Variants in BMP6 observed in about 807,000 individuals in gnomAD.
BMP6 encodes the protein VG-1-R.
BMP6 carries 17 observed loss-of-function variants against 54.1 expected under a neutral mutation model. The observed-to-expected ratio is 0.31, with a 90% CI of 0.22 to 0.47. The LOEUF (loss-of-function observed/expected upper bound fraction) is 0.47, where lower values mean the gene tolerates loss of function less well. BMP6 is among the 20% of genes least tolerant of loss of function. BMP6 has a pLI of 1.00. For synonymous variants in BMP6, 328 were observed against 291.2 expected (o/e 1.13, Z -1.28); for missense variants, 720 against 690.4 (o/e 1.04, Z -0.48).
chr6:7,786,316 T>C (rs563725182), intron 1 of BMP6, among the ~76,000 whole-genome samples: 4 of 152,330 alleles, frequency 2.6e-5, no homozygotes, highest in Admixed American at 6.5e-5. Flanking sequence ...TGACTGCCTG[T>C]GGCATATGCT....
chr6:7,746,116 C>T (rs760484963), intron 1 of BMP6, among the ~76,000 whole-genome samples: 5 of 152,148 alleles, frequency 3.3e-5, no homozygotes, highest in Non-Finnish European at 5.9e-5. Context: ...CGGAGGAATG[C>T]ATCAGGGGCA....
At chr6:7,767,653 T>C (rs1392583120) in intron 1 of BMP6, among the ~76,000 whole-genome samples, 2 of 152,242 alleles carry the variant, frequency 1.3e-5, no homozygotes, top group Non-Finnish European at 2.9e-5. Context: ...GATAATTTCT[T>C]ATCCAGGAAC....
At chr6:7,793,542 C>T (rs74454729) in intron 1 of BMP6, among the ~76,000 whole-genome samples, 2,004 of 151,698 alleles carry the variant, frequency 0.013, 46 homozygotes, top group African/African-American at 0.045. Flanking sequence ...ATGATGTGTC[C>T]GTGTAGGTCC....
chr6:7,727,332 C>T lies in BMP6; in HGVS notation c.377C>T (p.Pro126Leu). ...QQQLPRGEPP[P>L]GRLKSAPLFM... is the part of the protein sequence containing the mutation. ...CAGCTGCCTCGCGGAGAGCCCCCTC[C>T]CGGGCGACTGAAGTCCGCGCCCCTC... The change falls in exon 1 of 7, where the codon CCC (proline) becomes CTC (leucine). Residue 126 changes from proline to leucine, a missense_variant. By Grantham distance (98) the Pro-to-Leu change is moderately conservative (BLOSUM62 -3). Coordinates refer to ENST00000283147, the MANE Select transcript of BMP6 (RefSeq NM_001718.6). 2 of 1,609,594 alleles carry T rather than the reference C, an allele frequency of 1.2e-6. No individual in the cohort carries two copies. The highest frequency in any genetic ancestry group is 1.7e-6 in the Non-Finnish European group (2 of 1,178,710).
chr6:7,781,340 C>T (rs974420874), intron 1 of BMP6, among the ~76,000 whole-genome samples: 1 of 142,904 alleles, frequency 7.0e-6, no homozygotes. Context: ...TCATACGTAC[C>T]ATGCCACTGT....
intron 1 of BMP6, among the ~76,000 whole-genome samples, chr6:7,734,536 GTTGGGGTT>G (rs1325157950): frequency 6.6e-6 from 1 of 152,202 alleles, no homozygotes; most frequent in Non-Finnish European, 1.5e-5. Context: ...ATCTGGAATT[GTTGGGGTT>G]TTCTCTTAGT....
chr6:7,872,277 A>G (rs1554126401), intron 4 of BMP6, among the ~76,000 whole-genome samples: 1 of 145,782 alleles, frequency 6.9e-6, no homozygotes, highest in Non-Finnish European at 1.5e-5. Context: ...TGTAATCTGT[A>G]ATCTGTCAAT....
At position 7,822,746 on chromosome 6, in the gene BMP6, C is replaced by A. The variant is rs147067275; in HGVS notation, c.665-22394C>A. On this transcript the variant is annotated intron_variant, in intron 1 of 6. Coordinates refer to ENST00000283147, the MANE Select transcript of BMP6 (RefSeq NM_001718.6). ...AATGAGGGAAAATGATACAAGTGAC[C>A]AAAAGGGTGATGAGACTTTCAAAAA... Among the ~76,000 whole-genome samples the A allele has an allele frequency of 7.4e-3, 1,128 of 152,162 alleles. 3 individuals are homozygous for A. Among genetic ancestry groups the A allele is most frequent in the Non-Finnish European group, 0.011 (747 of 67,996 alleles).
chr6:7,840,720 A>G (rs1758955370), intron 1 of BMP6, among the ~76,000 whole-genome samples: 1 of 152,024 alleles, frequency 6.6e-6, no homozygotes, highest in Non-Finnish European at 1.5e-5. Context: ...TATTGTCCTT[A>G]ACAATGGCAA....
chr6:7,791,846 C>G (rs1758113226), intron 1 of BMP6, among the ~76,000 whole-genome samples: 1 of 152,174 alleles, frequency 6.6e-6, no homozygotes, highest in Admixed American at 6.5e-5. Context: ...CATTCTACCT[C>G]AGTATATTTT....
chr6:7,843,101 C>T (rs1249088120), intron 1 of BMP6, among the ~76,000 whole-genome samples: 1 of 152,140 alleles, frequency 6.6e-6, no homozygotes, highest in Non-Finnish European at 1.5e-5. Flanking sequence ...GTGTGGGTGT[C>T]CTTGAGTGAA....
At chr6:7,780,311 G>T (rs1015710164) in intron 1 of BMP6, among the ~76,000 whole-genome samples, 3 of 152,030 alleles carry the variant, frequency 2.0e-5, no homozygotes, top group African/African-American at 7.3e-5. Flanking sequence ...ACTTTGGAAG[G>T]CCGAGGCGGG....
chr6:7,738,135 A>G (rs1761989819), intron 1 of BMP6, among the ~76,000 whole-genome samples: 2 of 152,188 alleles, frequency 1.3e-5, no homozygotes, highest in East Asian at 1.9e-4. Context: ...TTTCTATTCT[A>G]TTCCTCTCTT....
chr6:7,728,743 C>T (rs1414858153), intron 1 of BMP6, among the ~76,000 whole-genome samples: 1 of 152,180 alleles, frequency 6.6e-6, no homozygotes, highest in Non-Finnish European at 1.5e-5. Flanking sequence ...GGCCTCCTTC[C>T]CATGTGAGAC....
chr6:7,728,208 G>C (rs1048262576), intron 1 of BMP6, among the ~76,000 whole-genome samples: 1 of 152,206 alleles, frequency 6.6e-6, no homozygotes, highest in Non-Finnish European at 1.5e-5. Flanking sequence ...CGCGGAAGGC[G>C]CTCGGATCCC....
At chr6:7,734,535 T>C (rs906583650) in intron 1 of BMP6, among the ~76,000 whole-genome samples, 1 of 152,152 alleles carries the variant, frequency 6.6e-6, no homozygotes, top group African/African-American at 2.4e-5. Context: ...AATCTGGAAT[T>C]GTTGGGGTTT....
intron 4 of BMP6, among the ~76,000 whole-genome samples, chr6:7,875,982 G>C (rs1225933): frequency 6.6e-6 from 1 of 151,900 alleles, no homozygotes; most frequent in Non-Finnish European, 1.5e-5. Context: ...GCAGGGTGGA[G>C]ACATTTGATT....
intron 1 of BMP6, among the ~76,000 whole-genome samples, chr6:7,807,277 G>GT (rs934284141): frequency 1.3e-5 from 2 of 151,948 alleles, no homozygotes; most frequent in Non-Finnish European, 2.9e-5. Flanking sequence ...GGACCTCGTT[G>GT]TTTTTTGTTT....
chr6:7,776,448 C>T (rs1757861688), intron 1 of BMP6, among the ~76,000 whole-genome samples: 2 of 152,190 alleles, frequency 1.3e-5, no homozygotes, highest in South Asian at 4.1e-4. Flanking sequence ...AAGGTTGGTT[C>T]CCAACAAATC....
Sources: gnomAD v4.1 joint callset for allele counts (sites outside exome capture counted in the v4.1 genomes callset) on GRCh38, gnomAD v4.1.1 for gene constraint, MANE v1.5 for transcripts, NCBI Gene and HGNC (gene_info 2026-07-23, HGNC 2026-07-21) for gene names.